Variants in MIER1 observed in about 807,000 individuals in gnomAD.
MIER1 encodes mesoderm induction early response protein 1.
In MIER1, 40 loss-of-function variants were observed where a neutral mutation model predicts 75.7. The observed-to-expected ratio is 0.53, with a 90% CI of 0.41 to 0.69. MIER1 has a LOEUF of 0.69. Ranked by LOEUF, MIER1 falls within the 30% of genes least tolerant of loss-of-function variation. The pLI is 0.00. For synonymous variants in MIER1, 213 were observed against 223.4 expected (o/e 0.95, Z 0.42); for missense variants, 574 against 680.2 (o/e 0.84, Z 1.74).
rs138122547 is a variant in MIER1 at position 66,973,181 on chromosome 1, G to GT, written c.1101+194dup. 8.4e-4 allele frequency among the ~76,000 whole-genome samples: 128 copies of GT among 152,140 alleles called. 3 individuals carry two copies. The East Asian group carries it at 0.023, about 28-fold the overall frequency. ...AACCTATAATTACCTGTTGGTGACT[G>GT]TTTTCAGTGCATCATATTGCAGGTG... On this transcript the variant is annotated intron_variant, in intron 11 of 13. Coordinates refer to ENST00000401041, the MANE Select transcript of MIER1 (RefSeq NM_001077700.3).
Position 66,984,765 on chromosome 1 carries a change from T to C in MIER1, c.1563T>C (p.Phe521=). The stretch of plus-strand genomic sequence containing the variant: ...TGACTGCAAGAAATGAAAATGATTT[T>C]GATGAAAAAAGTGAGAGACCTGCCA... ...AHMTARNEND[F]DEKSERPAKR... The change falls in exon 14 of 14, where the codon TTT becomes TTC. Residue 521 remains phenylalanine, a synonymous_variant. Coordinates refer to ENST00000401041, the MANE Select transcript of MIER1 (RefSeq NM_001077700.3). 1 of 1,613,970 alleles carries C rather than the reference T, an allele frequency of 6.2e-7. No individual in the cohort carries two copies.
chr1:66,988,478 A>G lies in MIER1; in HGVS notation c.*3578A>G, dbSNP rs1054122673. ...AGTTTTCCATAAACTCTTGTCATGT[A>G]CCCTTAGTATTGTGCTGATCTTTTG... On this transcript the variant is annotated 3_prime_UTR_variant, in exon 14 of 14. Transcript: ENST00000401041. The G allele has an allele frequency of 2.6e-5, 4 of 152,238 alleles. No individual in the cohort carries two copies. The highest frequency in any genetic ancestry group is 9.7e-5 in the African/African-American group (4 of 41,418). 9.4% of individuals were successfully genotyped at this position (152,238 alleles called of 1,614,324 possible). A position where few individuals can be genotyped will look rare whatever the true frequency, so the allele number is the denominator to read the frequency against.
At position 66,985,904 on chromosome 1, in the gene MIER1, T is replaced by G; in HGVS notation, c.*1004T>G. Reference sequence around the variant, plus strand: ...TAAGCATGATGCTTAGATTGCAGTTTGTTTTGCATTTGCTATAATTTTCAA... The same window carrying G: ...TAAGCATGATGCTTAGATTGCAGTTGGTTTTGCATTTGCTATAATTTTCAA... On this transcript the variant is annotated 3_prime_UTR_variant, in exon 14 of 14. Transcript: ENST00000401041. 6.1e-6 allele frequency: 6 copies of G among 977,412 alleles called. No homozygotes were observed. Among genetic ancestry groups the G allele is most frequent in the Non-Finnish European group, 7.3e-6 (6 of 822,780 alleles). The allele number at this position is 977,412 out of a possible 1,614,324, so 60.5% of individuals were successfully genotyped here.
At chr1:66,929,098 G>T in intron 2 of MIER1, 1 of 669,430 alleles carries the variant, frequency 1.5e-6, no homozygotes, top group South Asian at 1.7e-5. Flanking sequence ...ATAGAGTCTA[G>T]AATTTTAAGG....
chr1:66,981,154 C>T lies in MIER1; in HGVS notation c.1230-625C>T, dbSNP rs548669456. Among the ~76,000 whole-genome samples the T allele has an allele frequency of 2.6e-4, 39 of 152,196 alleles. 1 individual carries two copies. The South Asian group carries it at 7.7e-3, about 30-fold the overall frequency. ...ACCTGAGAGAGACAAATCTCTATCC[C>T]AGATCTGCTCACCAATGTCACTTAA... On this transcript the variant is annotated intron_variant, in intron 12 of 13. Transcript: ENST00000401041.
intron 2 of MIER1, chr1:66,930,325 A>T (rs1215325578): frequency 6.3e-7 from 1 of 1,592,640 alleles, no homozygotes; most frequent in East Asian, 2.4e-5. Flanking sequence ...GCTGAGTCTC[A>T]CATCCGGGTT....
chr1:66,969,133 G>A (rs538816984), intron 8 of MIER1, among the ~76,000 whole-genome samples: 33 of 152,298 alleles, frequency 2.2e-4, no homozygotes, highest in Non-Finnish European at 1.3e-4. Context: ...TATTAAGGAA[G>A]ATTTTCTAAA....
At chr1:66,953,246 T>C (rs989734798) in intron 4 of MIER1, among the ~76,000 whole-genome samples, 7 of 152,322 alleles carry the variant, frequency 4.6e-5, no homozygotes, top group African/African-American at 7.2e-5. Context: ...TAGGAGAGGC[T>C]TGGAGGGGAA....
At chr1:66,966,728 C>T (rs562874788) in intron 8 of MIER1, among the ~76,000 whole-genome samples, 2 of 152,310 alleles carry the variant, frequency 1.3e-5, no homozygotes, top group Admixed American at 1.3e-4. Flanking sequence ...GATTGCCATT[C>T]TAACGGTTGT....
intron 8 of MIER1, among the ~76,000 whole-genome samples, chr1:66,964,540 CCT>C (rs1457766487): frequency 1.3e-5 from 2 of 150,588 alleles, no homozygotes; most frequent in Non-Finnish European, 2.9e-5. Flanking sequence ...GCAACTTTCG[CCT>C]CTCAGGTTCA....
chr1:66,934,241 G>T, intron 2 of MIER1, among the ~76,000 whole-genome samples: 1 of 152,036 alleles, frequency 6.6e-6, no homozygotes, highest in East Asian at 1.9e-4. Flanking sequence ...GTAAAGTTAG[G>T]TCTTGAAGAA....
chr1:66,977,887 C>T (rs1294500005), intron 12 of MIER1, among the ~76,000 whole-genome samples: 1 of 151,964 alleles, frequency 6.6e-6, no homozygotes, highest in Non-Finnish European at 1.5e-5. Context: ...TTAAAGCTGA[C>T]CAAATAATTA....
Position 66,984,827 on chromosome 1 carries a change from C to T in MIER1, c.1625C>T (p.Pro542Leu), listed in dbSNP as rs770103027. 1.2e-6 allele frequency: 2 copies of T among 1,611,166 alleles called. No individual in the cohort carries two copies. Among genetic ancestry groups the T allele is most frequent in the African/African-American group, 2.7e-5 (2 of 74,622 alleles). Residue 542 changes from proline to leucine, a missense_variant, in exon 14 of 14, where the codon CCA becomes CTA. Around this residue, in one of 3 missense-constraint regions of MIER1, gnomAD observed 164 missense variants for 154.3 expected, o/e 1.06. Coordinates refer to ENST00000401041, the MANE Select transcript of MIER1 (RefSeq NM_001077700.3). Reference sequence around the variant, plus strand: ...GTAAACAGCAATGGAAAAGAAAGTCCAGGTTCTTCTGAATTTTTCCAAGAA... The same window carrying T: ...GTAAACAGCAATGGAAAAGAAAGTCTAGGTTCTTCTGAATTTTTCCAAGAA... The part of the protein sequence containing the change: ...RRVNSNGKES[P>L]GSSEFFQEAV...
chr1:66,972,242 A>ACAC (rs1441596282), intron 10 of MIER1, among the ~76,000 whole-genome samples: 1 of 70,250 alleles, frequency 1.4e-5, no homozygotes, highest in Non-Finnish European at 2.7e-5. Flanking sequence ...CTACATATAT[A>ACAC]TATATATATA....
intron 12 of MIER1, among the ~76,000 whole-genome samples, chr1:66,981,154 C>G (rs548669456): frequency 6.6e-6 from 1 of 152,080 alleles, no homozygotes; most frequent in Non-Finnish European, 1.5e-5. Flanking sequence ...ATCTCTATCC[C>G]AGATCTGCTC....
At chr1:66,943,903 A>G (rs990970485) in intron 3 of MIER1, among the ~76,000 whole-genome samples, 15 of 152,298 alleles carry the variant, frequency 9.8e-5, no homozygotes, top group African/African-American at 3.6e-4. Context: ...TAGGATTAGT[A>G]TACCCAGGAT....
intron 4 of MIER1, among the ~76,000 whole-genome samples, chr1:66,949,702 T>C (rs920162625): frequency 7.2e-5 from 11 of 152,248 alleles, no homozygotes; most frequent in Non-Finnish European, 1.5e-5. Flanking sequence ...CTTGTTGTGT[T>C]TATTGAAAAA....
intron 10 of MIER1, 147 bp downstream of exon 10, chr1:66,971,883 A>G (rs2101888178): frequency 2.1e-6 from 1 of 482,236 alleles, no homozygotes; most frequent in Non-Finnish European, 3.7e-6. Flanking sequence ...TACTAAACAA[A>G]TCGTTACGGG....
chr1:66,985,182 C>CCAAAA lies in MIER1; in HGVS notation c.*282_*283insCAAAA, dbSNP rs1252106220. On this transcript the variant is annotated 3_prime_UTR_variant, in exon 14 of 14. Coordinates refer to ENST00000401041, the MANE Select transcript of MIER1 (RefSeq NM_001077700.3). ...AATATCTTTAGTTCATTCAGATTTA[C>CCAAAA]TAATTTTGGTAAATCTGAATGAACT... 13 of 986,172 alleles carry CCAAAA rather than the reference C, an allele frequency of 1.3e-5. No homozygotes were observed. The highest frequency in any genetic ancestry group is 1.6e-5 in the Non-Finnish European group (13 of 819,304). The allele number at this position is 986,172 out of a possible 1,614,324, so 61.1% of individuals were successfully genotyped here. A position where few individuals can be genotyped will look rare whatever the true frequency, so the allele number is the denominator to read the frequency against.
Sources: gnomAD v4.1 joint callset for allele counts (sites outside exome capture counted in the v4.1 genomes callset) on GRCh38, gnomAD v4.1.1 for gene constraint, gnomAD v4.1.1 regional missense constraint, MANE v1.5 for transcripts, NCBI Gene and HGNC (gene_info 2026-07-23, HGNC 2026-07-21) for gene names.